The following ARHGEF12 variants were observed in gnomAD, a reference collection of about 807,000 sequenced individuals.
ARHGEF12 encodes Rho guanine nucleotide exchange factor 12, also known as KMT2A/ARHGEF12 fusion protein.
In ARHGEF12, 66 loss-of-function variants were observed where a neutral mutation model predicts 211.2. That is an observed-to-expected ratio of 0.31 (90% CI 0.26 to 0.38). The LOEUF (loss-of-function observed/expected upper bound fraction) is 0.38, where lower values mean the gene tolerates loss of function less well. Ranked by LOEUF, ARHGEF12 falls within the 10% of genes least tolerant of loss-of-function variation. The pLI is 1.00. For synonymous variants in ARHGEF12, 592 were observed against 638.4 expected, an observed-to-expected ratio of 0.93 and a Z score of 1.09; for missense variants, 1,429 against 1,869.5, an observed-to-expected ratio of 0.76 and a Z score of 4.34.
chr11:120,467,377 A>G (rs1946733377), intron 29 of ARHGEF12, 69 bp downstream of exon 29: 1 of 897,044 alleles, frequency 1.1e-6, no homozygotes, highest in East Asian at 2.5e-5. Context: ...TCCTGTAAAT[A>G]ATATCTTACA....
chr11:120,403,297 G>A (rs569900944), intron 1 of ARHGEF12, among the ~76,000 whole-genome samples: 1 of 152,132 alleles, frequency 6.6e-6, no homozygotes, highest in African/African-American at 2.4e-5. Flanking sequence ...ACTTGAGGTC[G>A]GGAGTTCAAG....
chr11:120,462,656 C>G (rs191844165), intron 27 of ARHGEF12: 1 of 152,120 alleles, frequency 6.6e-6, no homozygotes, highest in Non-Finnish European at 1.5e-5. Context: ...ACATACAAAG[C>G]GTTAATTTAG....
chr11:120,349,949 T>C lies in ARHGEF12; in HGVS notation c.32+12674T>C, dbSNP rs978871679. ...GAGTGAGGAATAGATTTAAGAGTTA[T>C]TTCAATTCAGACCGTGGAACATCTC... On this transcript the variant is annotated intron_variant, in intron 1 of 40. Transcript: ENST00000397843. Among the ~76,000 whole-genome samples, 6 of 152,244 alleles carry C rather than the reference T, an allele frequency of 3.9e-5. No homozygotes were observed. In the East Asian group the frequency reaches 7.7e-4, roughly 20 times the overall value.
At chr11:120,369,198 A>G (rs1943520016) in intron 1 of ARHGEF12, among the ~76,000 whole-genome samples, 1 of 141,554 alleles carries the variant, frequency 7.1e-6, no homozygotes, top group Non-Finnish European at 1.5e-5. Flanking sequence ...GCATGATCTC[A>G]GCTCACTGTA....
At chr11:120,420,919 G>A in intron 5 of ARHGEF12, 68 bp downstream of exon 5, 2 of 1,335,438 alleles carry the variant, frequency 1.5e-6, no homozygotes, top group Admixed American at 1.9e-5. Context: ...TTAAATAATG[G>A]CAATTGCCAA....
Position 120,427,547 on chromosome 11 carries a change from A to AC in ARHGEF12, c.407-522_407-521insC, listed in dbSNP as rs1945382761. Reference sequence around the variant, plus strand: ...GCGAAACCCTATCTTTAAAAAAAAAAAACATTGCAGCTACTTGTGGGGGCT... The same window carrying AC: ...GCGAAACCCTATCTTTAAAAAAAAAACAACATTGCAGCTACTTGTGGGGGCT... On this transcript the variant is annotated intron_variant, in intron 7 of 40. Coordinates refer to ENST00000397843, the MANE Select transcript of ARHGEF12 (RefSeq NM_015313.3). 2.6e-5 allele frequency among the ~76,000 whole-genome samples: 4 copies of AC among 151,664 alleles called. No individual in the cohort carries two copies. The South Asian group carries it at 8.4e-4, about 32-fold the overall frequency.
intron 1 of ARHGEF12, among the ~76,000 whole-genome samples, chr11:120,399,892 G>A (rs1272363134): frequency 1.3e-5 from 2 of 150,148 alleles, no homozygotes. Flanking sequence ...AATGCTCTAT[G>A]TTTATTCAAA....
At chr11:120,393,002 C>T (rs1195726713) in intron 1 of ARHGEF12, among the ~76,000 whole-genome samples, 2 of 152,136 alleles carry the variant, frequency 1.3e-5, no homozygotes, top group African/African-American at 4.8e-5. Context: ...TGAATAAAAT[C>T]GGAGTTCTCT....
At chr11:120,457,629 G>C in intron 23 of ARHGEF12, 92 bp from the exon 24 acceptor site, 1 of 865,674 alleles carries the variant, frequency 1.2e-6, no homozygotes, top group Non-Finnish European at 1.7e-6. Context: ...TTATCAAGCT[G>C]CTGGAGTTTA....
In ARHGEF12 at chr11:120,419,203, G is replaced by A. The variant is rs140322256; in HGVS notation, c.200-1550G>A. ...TCTCGATCTCCTGACCTCATGATCC[G>A]CCCTTCTCGGCCTCCCAAAGTGCTG... On this transcript the variant is annotated intron_variant, in intron 4 of 40. Transcript: ENST00000397843. Among the ~76,000 whole-genome samples, 579 of 151,776 alleles carry A rather than the reference G, an allele frequency of 3.8e-3. 3 individuals carry two copies. The highest frequency in any genetic ancestry group is 0.01 in the Middle Eastern group (3 of 294).
chr11:120,425,478 G>T (rs1357193914), intron 7 of ARHGEF12, among the ~76,000 whole-genome samples: 2 of 150,662 alleles, frequency 1.3e-5, no homozygotes, highest in Non-Finnish European at 1.5e-5. Flanking sequence ...GTTTTGTCTT[G>T]TTTTTTTGGT....
chr11:120,443,487 TC>T (rs550062600), intron 15 of ARHGEF12, among the ~76,000 whole-genome samples: 6 of 152,234 alleles, frequency 3.9e-5, no homozygotes, highest in Non-Finnish European at 8.8e-5. Flanking sequence ...GTTGTTATTT[TC>T]CCTTTCTAAA....
intron 1 of ARHGEF12, among the ~76,000 whole-genome samples, chr11:120,369,963 T>G (rs971272506): frequency 6.6e-6 from 1 of 152,168 alleles, no homozygotes; most frequent in Non-Finnish European, 1.5e-5. Flanking sequence ...ATAGTAAACT[T>G]GGTGTTTGTT....
intron 1 of ARHGEF12, among the ~76,000 whole-genome samples, chr11:120,400,924 C>G (rs571749398): frequency 6.6e-6 from 1 of 152,170 alleles, no homozygotes; most frequent in Non-Finnish European, 1.5e-5. Context: ...CAGAACTGAG[C>G]TCTTTGGTCC....
At chr11:120,483,148 A>G (rs1377487592) in intron 39 of ARHGEF12, among the ~76,000 whole-genome samples, 1 of 152,158 alleles carries the variant, frequency 6.6e-6, no homozygotes, top group Non-Finnish European at 1.5e-5. Flanking sequence ...TTCATATGGA[A>G]AGCCAAATCT....
intron 1 of ARHGEF12, among the ~76,000 whole-genome samples, chr11:120,377,661 C>T (rs1311424317): frequency 6.6e-6 from 1 of 151,794 alleles, no homozygotes; most frequent in African/African-American, 2.4e-5. Flanking sequence ...AGGCTTAATA[C>T]TTTTCAGATG....
At chr11:120,388,739 C>T (rs1206735535) in intron 1 of ARHGEF12, among the ~76,000 whole-genome samples, 2 of 152,092 alleles carry the variant, frequency 1.3e-5, no homozygotes, top group Non-Finnish European at 2.9e-5. Context: ...TTTCATGTGC[C>T]TGTTTTATCA....
At chr11:120,410,986 G>A (rs545426371) in intron 4 of ARHGEF12, 3 of 152,218 alleles carry the variant, frequency 2.0e-5, no homozygotes, top group South Asian at 2.1e-4. Flanking sequence ...CTAGATCTGC[G>A]ATGTGTATTT....
At chr11:120,367,778 C>T (rs1565432477) in intron 1 of ARHGEF12, among the ~76,000 whole-genome samples, 2 of 152,052 alleles carry the variant, frequency 1.3e-5, no homozygotes, top group Non-Finnish European at 2.9e-5. Flanking sequence ...TGAGACTAGC[C>T]CTGGCAACGT....
Sources: allele counts gnomAD v4.1 joint callset (sites outside exome capture counted in the v4.1 genomes callset), GRCh38; gene constraint gnomAD v4.1.1; transcripts MANE v1.5; gene names NCBI Gene and HGNC (gene_info 2026-07-23, HGNC 2026-07-21).